EPB41L3: variants seen among roughly 807,000 people sequenced by gnomAD.
EPB41L3 encodes erythrocyte membrane protein band 4.1 like 3, also known as band 4.1-like protein 3.
A neutral mutation model predicts 127.1 loss-of-function variants in EPB41L3; 57 were observed. The ratio of observed to expected loss-of-function variants is 0.45; its 90% CI spans 0.36 to 0.56. The LOEUF is 0.56. EPB41L3 is among the 20% of genes least tolerant of loss of function. The probability of loss-of-function intolerance (pLI) is 0.00; values close to 1 mark genes in which losing one functional copy is unlikely to be tolerated. For synonymous variants in EPB41L3, 572 were observed against 549.5 expected, an observed-to-expected ratio of 1.04 and a Z score of -0.57; for missense variants, 1,273 against 1,372.2, an observed-to-expected ratio of 0.93 and a Z score of 1.14.
At chr18:5,498,601 A>AAAAAAC (rs1181542330) in intron 1 of EPB41L3, among the ~76,000 whole-genome samples, 11 of 149,468 alleles carry the variant, frequency 7.4e-5, no homozygotes, top group African/African-American at 2.7e-4. Flanking sequence ...TCTCAAAAAA[A>AAAAAAC]AAAAAAAAAA....
chr18:5,457,648 C>A (rs2083317847), intron 3 of EPB41L3, among the ~76,000 whole-genome samples: 1 of 152,170 alleles, frequency 6.6e-6, no homozygotes. Flanking sequence ...ACACAGACAG[C>A]AAAAGCCTAA....
chr18:5,517,690 G>A (rs530851004), intron 1 of EPB41L3, among the ~76,000 whole-genome samples: 7 of 151,974 alleles, frequency 4.6e-5, no homozygotes, highest in Admixed American at 3.3e-4. Context: ...TTCCTCCCTC[G>A]ACCTCCCAAA....
chr18:5,409,815 T>G (rs764669287), intron 14 of EPB41L3, among the ~76,000 whole-genome samples: 6 of 152,018 alleles, frequency 3.9e-5, no homozygotes, highest in Non-Finnish European at 8.8e-5. Flanking sequence ...ATGTCTTGAC[T>G]TCCATTAGTA....
chr18:5,478,600 T>G (rs987838886), intron 2 of EPB41L3, among the ~76,000 whole-genome samples, 162 bp from the exon 3 acceptor site: 2 of 152,246 alleles, frequency 1.3e-5, no homozygotes, highest in Admixed American at 6.5e-5. Context: ...AATATTTGCC[T>G]AAATACTGTT....
At chr18:5,609,300 T>A (rs1055745149) in intron 3 of EPB41L3, among the ~76,000 whole-genome samples, 1 of 152,228 alleles carries the variant, frequency 6.6e-6, no homozygotes, top group African/African-American at 2.4e-5. Flanking sequence ...AGCCTCTTTA[T>A]AATATCATAC....
At position 5,433,506 on chromosome 18, in the gene EPB41L3, T is replaced by C. The variant is rs755001818; in HGVS notation, c.875A>G (p.Lys292Arg). Residue 292 changes from lysine (K) to arginine (R), a missense_variant, in exon 8 of 23, where the codon AAA becomes AGA. Coordinates refer to ENST00000341928, the MANE Select transcript of EPB41L3 (RefSeq NM_012307.5). ...TAAATCTACCCCATACATTGATAAT[T>C]TTTTGGCATTTTCCAAGAAATGCAT... Reference protein sequence around the residue: ...AEMHFLENAKKLSMYGVDLHH... With the variant: ...AEMHFLENAKRLSMYGVDLHH... 3 of 1,613,718 alleles carry C rather than the reference T, an allele frequency of 1.9e-6. No individual in the cohort carries two copies. Among genetic ancestry groups the C allele is most frequent in the Non-Finnish European group, 2.5e-6 (3 of 1,179,900 alleles).
intron 2 of EPB41L3, 180 bp downstream of exon 2, chr18:5,488,821 G>A: frequency 1.7e-6 from 1 of 592,278 alleles, no homozygotes; most frequent in Non-Finnish European, 2.7e-6. Context: ...ACCAAGCAAG[G>A]TTGTGGAATG....
intron 2 of EPB41L3, among the ~76,000 whole-genome samples, chr18:5,478,976 A>G (rs1322364077): frequency 6.6e-6 from 1 of 152,246 alleles, no homozygotes; most frequent in Non-Finnish European, 1.5e-5. Flanking sequence ...AATTCAATGA[A>G]GTCAGCAGAA....
At chr18:5,511,400 T>TG in intron 1 of EPB41L3, among the ~76,000 whole-genome samples, 1 of 135,450 alleles carries the variant, frequency 7.4e-6, no homozygotes, top group African/African-American at 2.9e-5. Context: ...GGTTTTTTTT[T>TG]TTTTTTTTTT....
chr18:5,448,507 TG>T (rs1470609672), intron 3 of EPB41L3, among the ~76,000 whole-genome samples: 2 of 152,128 alleles, frequency 1.3e-5, no homozygotes, highest in Non-Finnish European at 2.9e-5. Flanking sequence ...TTTGGAGAAA[TG>T]ATGTTTATTA....
intron 3 of EPB41L3, among the ~76,000 whole-genome samples, chr18:5,572,158 A>G (rs1428630017): frequency 6.6e-6 from 1 of 152,188 alleles, no homozygotes; most frequent in Admixed American, 6.5e-5. Flanking sequence ...CCAGTTAAGA[A>G]CATCCATGGA....
intron 1 of EPB41L3, among the ~76,000 whole-genome samples, chr18:5,489,579 A>G (rs2099774578): frequency 6.6e-6 from 1 of 152,240 alleles, no homozygotes; most frequent in South Asian, 2.1e-4. Flanking sequence ...AGGATGATTT[A>G]ATAACGGAAG....
In EPB41L3 at chr18:5,423,562, A is replaced by T. The variant is rs745786846; in HGVS notation, c.1164-9T>A. On this transcript the variant is annotated splice_polypyrimidine_tract_variant and intron_variant, in intron 10 of 22. Transcript: ENST00000341928. ...CTTCTGGTAACAGTAGTCTAAAGAG[A>T]ATAAAGAAAAACAGCAGAAAGACTA... is the stretch of plus-strand genomic sequence containing the variant. 8 of 1,587,128 alleles carry T rather than the reference A, an allele frequency of 5.0e-6. No homozygotes were observed. Among genetic ancestry groups the T allele is most frequent in the Non-Finnish European group, 6.9e-6 (8 of 1,162,662 alleles).
chr18:5,408,268 T>C (rs1449599119), intron 14 of EPB41L3, among the ~76,000 whole-genome samples: 2 of 36,478 alleles, frequency 5.5e-5, no homozygotes, highest in African/African-American at 7.5e-5. Flanking sequence ...TTTCTTTTCT[T>C]TTTTCTTTTT....
At chr18:5,524,930 G>C (rs144085592) in intron 1 of EPB41L3, among the ~76,000 whole-genome samples, 16 of 152,272 alleles carry the variant, frequency 1.1e-4, no homozygotes, top group Non-Finnish European at 1.8e-4. Context: ...CAAAGCAAGT[G>C]GGGGAGGGGC....
chr18:5,400,501 A>G (rs1346049025), intron 16 of EPB41L3: 2 of 456,380 alleles, frequency 4.4e-6, no homozygotes, highest in Non-Finnish European at 8.8e-6. Flanking sequence ...AATAACCTCT[A>G]GGGTTGATGG....
chr18:5,442,745 T>C (rs1295378908), intron 5 of EPB41L3, among the ~76,000 whole-genome samples: 3 of 152,180 alleles, frequency 2.0e-5, no homozygotes, highest in Non-Finnish European at 4.4e-5. Flanking sequence ...TATCCATGTT[T>C]GCGGCAAAAG....
rs745529601 is a variant in EPB41L3, at chr18:5,434,082, G to A, written c.645C>T (p.Ser215=). The change falls in exon 7 of 23, where the codon TCC becomes TCT. Residue 215 remains serine, a synonymous_variant. Transcript: ENST00000341928. ...TAACAAAGGAGCAGGGCAGCCTTCC[G>A]GACACGATGTCATCTCGCAACTGCA... The part of the protein sequence containing the change: ...LCLQLRDDIV[S]GRLPCSFVTL... 9.3e-6 allele frequency: 15 copies of A among 1,613,986 alleles called. No individual in the cohort carries two copies. In the African/African-American group the frequency reaches 1.2e-4, roughly 13 times the overall value.
intron 3 of EPB41L3, chr18:5,466,274 T>C (rs2084963836): frequency 1.3e-5 from 2 of 152,222 alleles, no homozygotes; most frequent in Admixed American, 6.5e-5. Flanking sequence ...ATATTCCTTT[T>C]GTGATAAAAG....
Sources: gnomAD v4.1 joint callset for allele counts (sites outside exome capture counted in the v4.1 genomes callset) on GRCh38, gnomAD v4.1.1 for gene constraint, MANE v1.5 for transcripts, NCBI Gene and HGNC (gene_info 2026-07-23, HGNC 2026-07-21) for gene names.